TTC33: variants seen among roughly 807,000 people sequenced by gnomAD.
The protein encoded by TTC33 is tetratricopeptide repeat domain 33, also known as tetratricopeptide repeat protein 33.
In TTC33, 24 loss-of-function variants were observed where a neutral mutation model predicts 29.4. The ratio of observed to expected loss-of-function variants is 0.82; its 90% CI spans 0.59 to 1.15. The LOEUF is 1.15. TTC33 is among the 50% of genes most tolerant of loss of function. The pLI, the probability that TTC33 is intolerant of heterozygous loss-of-function variation, is 0.00. For synonymous variants in TTC33, 107 were observed against 100.3 expected (o/e 1.07, Z -0.40); for missense variants, 286 against 310.4 (o/e 0.92, Z 0.59).
Position 40,753,949 on chromosome 5 carries a change from A to G in TTC33, c.-2+1875T>C, listed in dbSNP as rs549374302. Among the ~76,000 whole-genome samples the G allele has an allele frequency of 3.3e-5, 5 of 152,250 alleles. No individual in the cohort carries two copies. The East Asian group carries it at 9.7e-4, about 29-fold the overall frequency. On this transcript the variant is annotated intron_variant, in intron 1 of 4. Transcript: ENST00000337702. ...AAAAAACCGTTGATCAGATCTGTAGATTACATGAGGGGCTGTGATAGGGTG... is the reference window on the plus strand; with the variant it reads ...AAAAAACCGTTGATCAGATCTGTAGGTTACATGAGGGGCTGTGATAGGGTG...
intron 2 of TTC33, among the ~76,000 whole-genome samples, chr5:40,731,586 T>C (rs1742428384): frequency 6.6e-6 from 1 of 152,184 alleles, no homozygotes; most frequent in Non-Finnish European, 1.5e-5. Context: ...GGAAGCCCCT[T>C]ATAAATCCAT....
chr5:40,728,091 G>C (rs1158524920), intron 4 of TTC33, among the ~76,000 whole-genome samples: 1 of 151,868 alleles, frequency 6.6e-6, no homozygotes, highest in Non-Finnish European at 1.5e-5. Context: ...AGACCAGCCT[G>C]ACTAACATGG....
intron 4 of TTC33, among the ~76,000 whole-genome samples, chr5:40,717,839 G>A (rs760641639): frequency 6.6e-5 from 10 of 151,954 alleles, no homozygotes; most frequent in East Asian, 5.8e-4. Flanking sequence ...CAAGGCAGGC[G>A]GATCACCTGA....
chr5:40,755,770 C>G (rs1579697758), intron 1 of TTC33, 54 bp downstream of exon 1: 1 of 152,438 alleles, frequency 6.6e-6, no homozygotes, highest in Non-Finnish European at 1.5e-5. Context: ...CCCAAGGCCC[C>G]GTGTTTACAT....
chr5:40,736,951 A>G (rs1289791941), intron 2 of TTC33, among the ~76,000 whole-genome samples: 7 of 152,200 alleles, frequency 4.6e-5, no homozygotes, highest in Non-Finnish European at 1.0e-4. Context: ...AGTAAACCAG[A>G]TTTTTGTTAA....
At chr5:40,738,998 G>A (rs1434638735) in intron 2 of TTC33, among the ~76,000 whole-genome samples, 1 of 152,106 alleles carries the variant, frequency 6.6e-6, no homozygotes, top group Non-Finnish European at 1.5e-5. Context: ...CCTGTGGCCT[G>A]ACTTTTCATG....
chr5:40,717,706 G>A (rs112906544), intron 4 of TTC33, among the ~76,000 whole-genome samples: 1 of 152,294 alleles, frequency 6.6e-6, no homozygotes, highest in African/African-American at 2.4e-5. Flanking sequence ...ATTATATGTT[G>A]TTTTCTCTGA....
At chr5:40,738,340 G>A (rs539874363) in intron 2 of TTC33, among the ~76,000 whole-genome samples, 40 of 151,656 alleles carry the variant, frequency 2.6e-4, no homozygotes, top group East Asian at 2.1e-3. Flanking sequence ...GCTTGAACCC[G>A]GGAGGTGGAG....
chr5:40,736,043 A>G (rs1316925253), intron 2 of TTC33, among the ~76,000 whole-genome samples: 1 of 152,214 alleles, frequency 6.6e-6, no homozygotes, highest in Non-Finnish European at 1.5e-5. Flanking sequence ...AGAGAAAAGA[A>G]GAAACAGATT....
At chr5:40,722,579 GC>G (rs1265705116) in intron 4 of TTC33, among the ~76,000 whole-genome samples, 2 of 151,554 alleles carry the variant, frequency 1.3e-5, no homozygotes, top group Non-Finnish European at 2.9e-5. Flanking sequence ...GAACTGAGGA[GC>G]GTCTCTGACC....
chr5:40,724,068 A>G (rs1742221597), intron 4 of TTC33, among the ~76,000 whole-genome samples: 1 of 152,246 alleles, frequency 6.6e-6, no homozygotes, highest in Non-Finnish European at 1.5e-5. Flanking sequence ...AAGAGATATT[A>G]GCACTCCCAG....
At chr5:40,742,122 C>G (rs1742707639) in intron 2 of TTC33, among the ~76,000 whole-genome samples, 1 of 151,760 alleles carries the variant, frequency 6.6e-6, no homozygotes, top group Non-Finnish European at 1.5e-5. Context: ...TATCTTTTGT[C>G]CAATTTTCTA....
intron 2 of TTC33, among the ~76,000 whole-genome samples, chr5:40,739,777 G>A (rs1742655078): frequency 6.6e-6 from 1 of 152,140 alleles, no homozygotes; most frequent in Admixed American, 6.5e-5. Context: ...TTATAGCAGT[G>A]TGAGGACAAA....
chr5:40,743,044 T>C (rs941933707), intron 2 of TTC33, among the ~76,000 whole-genome samples: 6 of 152,164 alleles, frequency 3.9e-5, no homozygotes, highest in Admixed American at 6.5e-5. Flanking sequence ...GCTTACATTC[T>C]TACAAAAGAA....
intron 1 of TTC33, 99 bp from the exon 2 acceptor site, chr5:40,747,118 G>A: frequency 9.5e-7 from 1 of 1,054,856 alleles, no homozygotes; most frequent in Non-Finnish European, 1.4e-6. Flanking sequence ...GAGTACGATG[G>A]CACGACCTCG....
intron 2 of TTC33, among the ~76,000 whole-genome samples, chr5:40,738,312 T>G (rs918712034): frequency 2.6e-5 from 4 of 151,086 alleles, no homozygotes; most frequent in African/African-American, 9.7e-5. Context: ...TAGTCGGGAG[T>G]GCTGAGGCAG....
chr5:40,744,518 A>G (rs1742756526), intron 2 of TTC33, among the ~76,000 whole-genome samples: 1 of 150,492 alleles, frequency 6.6e-6, no homozygotes, highest in Non-Finnish European at 1.5e-5. Context: ...GGAACAAAGA[A>G]AAAAGTGTGT....
At chr5:40,749,174 G>C (rs1260244310) in intron 1 of TTC33, among the ~76,000 whole-genome samples, 1 of 152,184 alleles carries the variant, frequency 6.6e-6, no homozygotes, top group African/African-American at 2.4e-5. Context: ...GAAATAAAGA[G>C]AGGATAAATG....
chr5:40,750,825 T>C (rs982931740), intron 1 of TTC33, among the ~76,000 whole-genome samples: 1 of 152,200 alleles, frequency 6.6e-6, no homozygotes, highest in African/African-American at 2.4e-5. Flanking sequence ...GAAACCACTT[T>C]CTTTGTTCAT....
Sources: allele counts gnomAD v4.1 joint callset (sites outside exome capture counted in the v4.1 genomes callset), GRCh38; gene constraint gnomAD v4.1.1; transcripts MANE v1.5; gene names NCBI Gene and HGNC (gene_info 2026-07-23, HGNC 2026-07-21).